The following MACROD2 variants were observed in gnomAD, a reference collection of about 807,000 sequenced individuals.
The protein encoded by MACROD2 is ADP-ribose glycohydrolase MACROD2.
MACROD2 carries 36 observed loss-of-function variants against 70.4 expected under a neutral mutation model. That is an observed-to-expected ratio of 0.51 (90% CI 0.39 to 0.68). The LOEUF is 0.68. Among genes scored for constraint, MACROD2 ranks in the 30% least tolerant of loss-of-function variants. The probability of loss-of-function intolerance (pLI) is 0.00; values close to 1 mark genes in which losing one functional copy is unlikely to be tolerated. For missense variants in MACROD2, 496 were observed against 538.4 expected, an observed-to-expected ratio of 0.92 and a Z score of 0.78; for synonymous variants, 172 against 178.8, an observed-to-expected ratio of 0.96 and a Z score of 0.30.
chr20:15,289,700 A>G (rs1428946908), intron 6 of MACROD2, among the ~76,000 whole-genome samples: 2 of 152,232 alleles, frequency 1.3e-5, no homozygotes, highest in Non-Finnish European at 2.9e-5. Context: ...AATAATATAT[A>G]TCAAATGTGT....
intron 8 of MACROD2, among the ~76,000 whole-genome samples, chr20:15,595,139 T>C (rs1285148148): frequency 6.6e-6 from 1 of 152,172 alleles, no homozygotes; most frequent in African/African-American, 2.4e-5. Flanking sequence ...AAATGAGAGA[T>C]TATTGTTAAG....
At chr20:14,215,457 G>C (rs144049530) in intron 3 of MACROD2, among the ~76,000 whole-genome samples, 2 of 151,252 alleles carry the variant, frequency 1.3e-5, no homozygotes, top group Non-Finnish European at 2.9e-5. Context: ...GAATTGTGCT[G>C]CTATAAACAT....
intron 8 of MACROD2, among the ~76,000 whole-genome samples, chr20:15,831,697 A>G (rs2064057881): frequency 6.6e-6 from 1 of 152,022 alleles, no homozygotes; most frequent in African/African-American, 2.4e-5. Flanking sequence ...AATTGTGCCC[A>G]GGATTTTGTC....
chr20:15,015,632 A>C (rs2075115538), intron 5 of MACROD2, among the ~76,000 whole-genome samples: 1 of 152,224 alleles, frequency 6.6e-6, no homozygotes, highest in African/African-American at 2.4e-5. Flanking sequence ...GGAAGAAGGC[A>C]ACATGGGTTA....
At chr20:14,611,908 A>C (rs998869987) in intron 4 of MACROD2, among the ~76,000 whole-genome samples, 5 of 152,184 alleles carry the variant, frequency 3.3e-5, no homozygotes, top group Admixed American at 1.3e-4. Context: ...TAAATTACAT[A>C]GTGGATTATT....
chr20:14,576,070 C>T (rs1018450290), intron 4 of MACROD2, among the ~76,000 whole-genome samples: 2 of 152,104 alleles, frequency 1.3e-5, no homozygotes, highest in African/African-American at 2.4e-5. Context: ...CACAGGCACA[C>T]GATCTTTTAG....
At chr20:15,982,059 G>A (rs987871398) in intron 13 of MACROD2, among the ~76,000 whole-genome samples, 1 of 151,766 alleles carries the variant, frequency 6.6e-6, no homozygotes, top group Non-Finnish European at 1.5e-5. Context: ...AGCAGCACAA[G>A]CGTCAAATTT....
chr20:14,433,800 A>AT (rs904007171), intron 3 of MACROD2, among the ~76,000 whole-genome samples: 43 of 150,160 alleles, frequency 2.9e-4, no homozygotes, highest in South Asian at 4.2e-4. Flanking sequence ...ACAGAGAAAC[A>AT]TTTTTTTTTT....
chr20:15,072,607 C>A (rs2075627274), intron 5 of MACROD2, among the ~76,000 whole-genome samples: 1 of 152,114 alleles, frequency 6.6e-6, no homozygotes, highest in South Asian at 2.1e-4. Flanking sequence ...CCTATTATTT[C>A]TTTCCTTTCC....
intron 8 of MACROD2, among the ~76,000 whole-genome samples, chr20:15,654,285 T>C (rs460039): frequency 0.33 from 48,574 of 147,696 alleles, 8,644 homozygotes; most frequent in East Asian, 0.52. Flanking sequence ...GAGCTCCACC[T>C]TTACCATAGT....
chr20:15,330,825 T>C (rs566634720), intron 6 of MACROD2, among the ~76,000 whole-genome samples: 1 of 151,716 alleles, frequency 6.6e-6, no homozygotes, highest in East Asian at 1.9e-4. Context: ...AGAAGGCATC[T>C]CAAGTTTAGA....
At position 14,082,021 on chromosome 20, in the gene MACROD2, A is replaced by G. The variant is rs1164461573; in HGVS notation, c.164-3600A>G. 2.6e-5 allele frequency among the ~76,000 whole-genome samples: 4 copies of G among 152,180 alleles called. No homozygotes were observed. In the East Asian group the frequency reaches 7.7e-4, roughly 29 times the overall value. Reference sequence around the variant, plus strand: ...ATTGTCACAGCAGTATATTTATTCAATAAATATACTGAATTGCTTGAACCT... The same window carrying G: ...ATTGTCACAGCAGTATATTTATTCAGTAAATATACTGAATTGCTTGAACCT... On this transcript the variant is annotated intron_variant, in intron 2 of 17. Transcript: ENST00000684519.
At chr20:15,585,006 T>C (rs755789806) in intron 8 of MACROD2, among the ~76,000 whole-genome samples, 1 of 152,142 alleles carries the variant, frequency 6.6e-6, no homozygotes, top group African/African-American at 2.4e-5. Context: ...GCTAATCAGA[T>C]ACACATAATG....
chr20:15,140,586 C>G (rs977868350), intron 5 of MACROD2, among the ~76,000 whole-genome samples: 6 of 152,036 alleles, frequency 3.9e-5, no homozygotes, highest in South Asian at 2.1e-4. Flanking sequence ...AAATTTAACT[C>G]CTCTACACTC....
intron 3 of MACROD2, among the ~76,000 whole-genome samples, chr20:14,341,734 A>C (rs1399490088): frequency 6.6e-6 from 1 of 152,244 alleles, no homozygotes; most frequent in African/African-American, 2.4e-5. Context: ...AAGTCATTGA[A>C]GATCTAAGCC....
intron 5 of MACROD2, among the ~76,000 whole-genome samples, chr20:14,861,782 C>T (rs1025599199): frequency 1.3e-5 from 2 of 149,488 alleles, no homozygotes; most frequent in African/African-American, 4.9e-5. Context: ...AATGACCTCC[C>T]GAAGGGCTAA....
At chr20:14,940,148 C>CAAAAAAAAAAAAAAAAAAAAA (rs57697517) in intron 5 of MACROD2, among the ~76,000 whole-genome samples, 1 of 55,106 alleles carries the variant, frequency 1.8e-5, no homozygotes, top group African/African-American at 4.7e-5. Context: ...CTCATCTCTG[C>CAAAAAAAAAAAAAAAAAAAAA]AAAAAAAAAA....
chr20:14,931,161 A>C (rs1176318750), intron 5 of MACROD2, among the ~76,000 whole-genome samples: 1 of 152,106 alleles, frequency 6.6e-6, no homozygotes, highest in African/African-American at 2.4e-5. Context: ...ACACATATAG[A>C]CACTGTCATG....
intron 6 of MACROD2, among the ~76,000 whole-genome samples, chr20:15,394,879 C>A (rs1166711772): frequency 6.6e-6 from 1 of 152,194 alleles, no homozygotes. Context: ...GTAGGTTAAA[C>A]TGAATGAGCA....
Sources: allele counts gnomAD v4.1 joint callset (sites outside exome capture counted in the v4.1 genomes callset), GRCh38; gene constraint gnomAD v4.1.1; transcripts MANE v1.5; gene names NCBI Gene and HGNC (gene_info 2026-07-23, HGNC 2026-07-21).